Variants in PPCDC observed in about 807,000 individuals in gnomAD.
PPCDC encodes phosphopantothenoylcysteine decarboxylase.
In PPCDC, 20 loss-of-function variants were observed where a neutral mutation model predicts 20.7. The ratio of observed to expected loss-of-function variants is 0.97; its 90% CI spans 0.68 to 1.41. The LOEUF is 1.41. Ranked by LOEUF, PPCDC falls within the 40% of genes most tolerant of loss-of-function variation. The pLI, the probability that PPCDC is intolerant of heterozygous loss-of-function variation, is 0.00. For synonymous variants in PPCDC, 88 were observed against 100.3 expected (o/e 0.88, Z 0.73); for missense variants, 246 against 263.8 (o/e 0.93, Z 0.47).
At chr15:75,038,903 A>G (rs2066117086) in intron 2 of PPCDC, among the ~76,000 whole-genome samples, 1 of 148,956 alleles carries the variant, frequency 6.7e-6, no homozygotes, top group South Asian at 2.1e-4. Context: ...TTTCTTTTAG[A>G]CTTGTGTTGA....
rs2066302257 is a variant in PPCDC at position 75,050,544 on chromosome 15, T to G, written c.*1309T>G. On this transcript the variant is annotated 3_prime_UTR_variant, in exon 6 of 6. Coordinates refer to ENST00000342932, the MANE Select transcript of PPCDC (RefSeq NM_021823.5). ...GCTTCCAGGCCAGGTGTGAGGGACA[T>G]CCCATGTGGGCTCTGAGAGCACTGA... 6.6e-6 allele frequency: 1 copy of G among 152,250 alleles called. No individual in the cohort carries two copies. The highest frequency in any genetic ancestry group is 6.5e-5 in the Admixed American group (1 of 15,280). The allele number at this position is 152,250 out of a possible 1,614,324, so 9.4% of individuals were successfully genotyped here. A position where few individuals can be genotyped will look rare whatever the true frequency, so the allele number is the denominator to read the frequency against.
intron 2 of PPCDC, among the ~76,000 whole-genome samples, chr15:75,029,266 C>T (rs1012980405): frequency 6.6e-6 from 1 of 152,212 alleles, no homozygotes; most frequent in Non-Finnish European, 1.5e-5. Flanking sequence ...TGCCCCAGCC[C>T]AGCCCCTGTG....
rs1421750916 is a variant in PPCDC at position 75,044,298 on chromosome 15, C to T, written c.232-88C>T. ...CCTGGGCAGGGCAGGTCAGTGGGTT[C>T]CTCAGTCTCCTGACTTACCGTACCT... On this transcript the variant is annotated intron_variant, in intron 3 of 5. Transcript: ENST00000342932. 2.6e-6 allele frequency: 4 copies of T among 1,559,748 alleles called. No homozygotes were observed. The East Asian group carries it at 9.0e-5, about 35-fold the overall frequency.
intron 2 of PPCDC, among the ~76,000 whole-genome samples, chr15:75,038,237 C>T (rs1471523676): frequency 6.6e-6 from 1 of 152,168 alleles, no homozygotes; most frequent in Non-Finnish European, 1.5e-5. Flanking sequence ...CTTTCTCACC[C>T]CTTGCTCTGC....
chr15:75,027,958 A>G (rs911628579), intron 1 of PPCDC, among the ~76,000 whole-genome samples: 1 of 152,172 alleles, frequency 6.6e-6, no homozygotes, highest in African/African-American at 2.4e-5. Flanking sequence ...TTCAGGACTC[A>G]ACCCCAATGT....
At chr15:75,047,722 C>T (rs577897974) in intron 4 of PPCDC, among the ~76,000 whole-genome samples, 18 of 152,338 alleles carry the variant, frequency 1.2e-4, no homozygotes, top group African/African-American at 4.3e-4. Context: ...AGGGACCTTT[C>T]TAGAGAGGAA....
chr15:75,040,979 C>A (rs1405083293), intron 2 of PPCDC, among the ~76,000 whole-genome samples: 6 of 152,112 alleles, frequency 3.9e-5, no homozygotes, highest in African/African-American at 1.4e-4. Flanking sequence ...CGGCCAAATG[C>A]TTTATCATAT....
At chr15:75,037,401 T>C (rs978636813) in intron 2 of PPCDC, among the ~76,000 whole-genome samples, 5 of 152,048 alleles carry the variant, frequency 3.3e-5, no homozygotes, top group Admixed American at 6.6e-5. Context: ...AGAAGAACAA[T>C]GAAGCAGTGT....
At chr15:75,049,021 C>A in intron 5 of PPCDC, 129 bp from the exon 6 acceptor site, 1 of 922,242 alleles carries the variant, frequency 1.1e-6, no homozygotes, top group Non-Finnish European at 1.7e-6. Context: ...ATGTGTCTGG[C>A]TCAGGCAAAG....
At chr15:75,047,572 C>T (rs1319504820) in intron 4 of PPCDC, among the ~76,000 whole-genome samples, 1 of 152,198 alleles carries the variant, frequency 6.6e-6, no homozygotes, top group East Asian at 1.9e-4. Context: ...GCTTCTCTCT[C>T]CCCCAGGCGG....
intron 4 of PPCDC, among the ~76,000 whole-genome samples, chr15:75,045,896 C>T (rs1437362659): frequency 6.8e-6 from 1 of 147,040 alleles, no homozygotes; most frequent in Non-Finnish European, 1.5e-5. Flanking sequence ...ATAGCAAGAC[C>T]CTGTCTCTAG....
intron 4 of PPCDC, among the ~76,000 whole-genome samples, chr15:75,047,184 C>T (rs779026623): frequency 6.6e-6 from 1 of 152,208 alleles, no homozygotes; most frequent in Non-Finnish European, 1.5e-5. Context: ...AGCCCTTGCT[C>T]CTGCCCTGCA....
At chr15:75,025,937 T>TA (rs998505552) in intron 1 of PPCDC, among the ~76,000 whole-genome samples, 7 of 152,042 alleles carry the variant, frequency 4.6e-5, no homozygotes, top group African/African-American at 1.2e-4. Flanking sequence ...AGCACACACA[T>TA]ACACACACAC....
intron 2 of PPCDC, among the ~76,000 whole-genome samples, chr15:75,029,385 G>A (rs1262467261): frequency 6.6e-6 from 1 of 152,174 alleles, no homozygotes; most frequent in Non-Finnish European, 1.5e-5. Flanking sequence ...AAGTTGCTGG[G>A]CCCCAGGCCT....
At chr15:75,024,387 AC>A (rs2065938008) in intron 1 of PPCDC, among the ~76,000 whole-genome samples, 1 of 151,710 alleles carries the variant, frequency 6.6e-6, no homozygotes, top group Non-Finnish European at 1.5e-5. Context: ...TCATTCTGTG[AC>A]CCAGGCTGGA....
intron 4 of PPCDC, among the ~76,000 whole-genome samples, chr15:75,046,832 C>G (rs2066241621): frequency 6.6e-6 from 1 of 152,280 alleles, no homozygotes; most frequent in Non-Finnish European, 1.5e-5. Flanking sequence ...CCGTGTCCCT[C>G]TGTCCTCTAG....
At position 75,049,447 on chromosome 15, in the gene PPCDC, G is replaced by A. The variant is rs1368571132; in HGVS notation, c.*212G>A. ...CAACCAGGAGAGGCCGCTGCCTAGA[G>A]CCCCTCCCCACCTTTTCCTGGATGG... is the stretch of plus-strand genomic sequence containing the variant. On this transcript the variant is annotated 3_prime_UTR_variant, in exon 6 of 6. Coordinates refer to ENST00000342932, the MANE Select transcript of PPCDC (RefSeq NM_021823.5). 1 of 571,116 alleles carries A rather than the reference G, an allele frequency of 1.8e-6. No homozygotes were observed. The highest frequency in any genetic ancestry group is 3.0e-5 in the East Asian group (1 of 33,518). The allele number at this position is 571,116 out of a possible 1,614,324, so 35.4% of individuals were successfully genotyped here.
At chr15:75,043,152 C>G (rs185715537) in intron 2 of PPCDC, 21 of 318,968 alleles carry the variant, frequency 6.6e-5, no homozygotes, top group Non-Finnish European at 1.2e-4. Context: ...TACCTCTGCC[C>G]GAGTGGCAGG....
At chr15:75,039,141 TG>T (rs764590392) in intron 2 of PPCDC, among the ~76,000 whole-genome samples, 8 of 152,214 alleles carry the variant, frequency 5.3e-5, no homozygotes, top group Non-Finnish European at 1.0e-4. Flanking sequence ...TGTTCTTATT[TG>T]GGTGCCAAAA....
Sources: allele counts gnomAD v4.1 joint callset (sites outside exome capture counted in the v4.1 genomes callset), GRCh38; gene constraint gnomAD v4.1.1; transcripts MANE v1.5; gene names NCBI Gene and HGNC (gene_info 2026-07-23, HGNC 2026-07-21).